The following MAP7 variants were observed in gnomAD, a reference collection of about 807,000 sequenced individuals.
MAP7 encodes microtubule associated protein 7, also known as ensconsin.
Under a neutral mutation model 94.8 loss-of-function variants are expected in MAP7, and 52 were observed. The ratio of observed to expected loss-of-function variants is 0.55; its 90% CI spans 0.44 to 0.69. The LOEUF (loss-of-function observed/expected upper bound fraction) is 0.69. MAP7 is among the 30% of genes least tolerant of loss of function. The pLI, the probability that MAP7 is intolerant of heterozygous loss-of-function variation, is 0.00. For missense variants in MAP7, 940 were observed against 964.6 expected, an observed-to-expected ratio of 0.97 and a Z score of 0.34; for synonymous variants, 350 against 357.0, an observed-to-expected ratio of 0.98 and a Z score of 0.22.
chr6:136,493,121 C>CTTTTTTTT (rs397795796), intron 1 of MAP7, among the ~76,000 whole-genome samples: 19 of 123,326 alleles, frequency 1.5e-4, no homozygotes, highest in East Asian at 1.2e-3. Context: ...TTCTTCTTTC[C>CTTTTTTTT]TTTTTTTTTT....
At chr6:136,492,951 T>C (rs1440354783) in intron 1 of MAP7, among the ~76,000 whole-genome samples, 1 of 152,056 alleles carries the variant, frequency 6.6e-6, no homozygotes, top group Non-Finnish European at 1.5e-5. Flanking sequence ...AATAAATCCT[T>C]TGTCCTAGAA....
At chr6:136,353,919 T>C (rs937951327) in intron 16 of MAP7, among the ~76,000 whole-genome samples, 2 of 151,922 alleles carry the variant, frequency 1.3e-5, no homozygotes, top group African/African-American at 2.4e-5. Context: ...ACTTGGTCAG[T>C]GGGGGTGCCC....
intron 1 of MAP7, among the ~76,000 whole-genome samples, chr6:136,456,764 G>GGAGGAGGAA (rs1803053158): frequency 4.1e-5 from 1 of 24,362 alleles, no homozygotes; most frequent in Non-Finnish European, 7.8e-5. Context: ...AGGAGGAGGA[G>GGAGGAGGAA]GAGGAAGAAG....
rs1191648287 is a variant in MAP7 at position 136,383,021 on chromosome 6, G to A, written c.637+650C>T. On this transcript the variant is annotated intron_variant, in intron 6 of 17. Coordinates refer to ENST00000354570, the MANE Select transcript of MAP7 (RefSeq NM_003980.6). ...ATAAATAACTCAACATTCATGTACT[G>A]TAAATCCATGGGATGAATAAAACTC... Among the ~76,000 whole-genome samples the A allele has an allele frequency of 2.6e-5, 4 of 152,072 alleles. 1 individual carries two copies. Among genetic ancestry groups the A allele is most frequent in the South Asian group, 4.1e-4 (2 of 4,830 alleles).
chr6:136,477,016 A>G (rs1811142765), intron 1 of MAP7, among the ~76,000 whole-genome samples: 1 of 152,238 alleles, frequency 6.6e-6, no homozygotes, highest in South Asian at 2.1e-4. Flanking sequence ...CTGAGGCTAA[A>G]GTTAATGGAT....
chr6:136,400,898 C>G (rs1783877150), intron 3 of MAP7, among the ~76,000 whole-genome samples: 1 of 152,224 alleles, frequency 6.6e-6, no homozygotes, highest in Non-Finnish European at 1.5e-5. Context: ...CTGCTCCAAA[C>G]TGGAACTTTC....
intron 5 of MAP7, among the ~76,000 whole-genome samples, chr6:136,385,501 T>C (rs1430808231): frequency 6.6e-6 from 1 of 152,188 alleles, no homozygotes; most frequent in Non-Finnish European, 1.5e-5. Context: ...GAAAATTGTG[T>C]CCACACGCAG....
chr6:136,381,227 G>A (rs900619418), intron 6 of MAP7, among the ~76,000 whole-genome samples: 1 of 151,954 alleles, frequency 6.6e-6, no homozygotes, highest in African/African-American at 2.4e-5. Flanking sequence ...TGCCCAGGCT[G>A]GAGTACAGTG....
chr6:136,351,397 A>T (rs888076313), intron 16 of MAP7, among the ~76,000 whole-genome samples: 1 of 152,224 alleles, frequency 6.6e-6, no homozygotes. Flanking sequence ...TTTTAGGAGG[A>T]TAAAGATAAT....
At chr6:136,362,319 G>A (rs762856996) in intron 11 of MAP7, 131 bp downstream of exon 11, 8 of 1,208,630 alleles carry the variant, frequency 6.6e-6, no homozygotes, top group South Asian at 1.5e-5. Context: ...AGGAAAATTA[G>A]GTAAGAGTAA....
Position 136,411,603 on chromosome 6 carries a change from C to G in MAP7, c.244+17G>C. ...CATCCATTCAAATCAGGGCCATGGACACGGGGCCTGGGGTACCTAGCTGTT... is the reference window on the plus strand; with the variant it reads ...CATCCATTCAAATCAGGGCCATGGAGACGGGGCCTGGGGTACCTAGCTGTT... On this transcript the variant is annotated intron_variant, in intron 3 of 17. Coordinates refer to ENST00000354570, the MANE Select transcript of MAP7 (RefSeq NM_003980.6). The G allele has an allele frequency of 6.4e-7, 1 of 1,554,230 alleles. No homozygotes were observed. The highest frequency in any genetic ancestry group is 8.7e-7 in the Non-Finnish European group (1 of 1,148,108).
At chr6:136,346,654 G>T (rs1181524388) in intron 16 of MAP7, among the ~76,000 whole-genome samples, 2 of 152,062 alleles carry the variant, frequency 1.3e-5, no homozygotes, top group African/African-American at 4.8e-5. Flanking sequence ...ATCATTAATA[G>T]AAATAAATCA....
Position 136,550,417 on chromosome 6 carries a change from G to T in MAP7, c.-9C>A. On this transcript the variant is annotated 5_prime_UTR_variant, in exon 1 of 18. Coordinates refer to ENST00000354570, the MANE Select transcript of MAP7 (RefSeq NM_003980.6). The surrounding 1 kb of genome is among the most constrained non-coding windows in gnomAD (Gnocchi z 5.1). ...GCTCCTAGCTCCGCCATGGTGCTCC[G>T]ATGACGCGCCCGGAGAGCCGCTCCG... is the stretch of plus-strand genomic sequence containing the variant. 6.6e-7 allele frequency: 1 copy of T among 1,515,802 alleles called. No homozygotes were observed. The highest frequency in any genetic ancestry group is 8.8e-7 in the Non-Finnish European group (1 of 1,138,916). The allele number at this position is 1,515,802 out of a possible 1,614,324, so 93.9% of individuals were successfully genotyped here.
chr6:136,361,576 G>T (rs1275958353), intron 11 of MAP7, among the ~76,000 whole-genome samples: 1 of 152,266 alleles, frequency 6.6e-6, no homozygotes, highest in Non-Finnish European at 1.5e-5. Context: ...TCACAGGACA[G>T]GAGGAAGACA....
intron 1 of MAP7, among the ~76,000 whole-genome samples, chr6:136,440,704 A>T (rs1199344074): frequency 6.6e-6 from 1 of 152,118 alleles, no homozygotes; most frequent in African/African-American, 2.4e-5. Context: ...AGTAAGAATT[A>T]AGATCTAAGA....
rs781211824 is a variant in MAP7 at position 136,421,720 on chromosome 6, G to A, written c.147C>T (p.Asn49=). 7 of 1,613,878 alleles carry A rather than the reference G, an allele frequency of 4.3e-6. No homozygotes were observed. ...TCATACCTGGTTTATTTCCTGAGTG[G>A]TTGTTATTTTGTCCTGAAATTGCAG... ...PASAISGQNN[N]HSGNKPDPPP... Residue 49 remains asparagine, a synonymous_variant, in exon 2 of 18, where the codon AAC becomes AAT. Transcript: ENST00000354570.
chr6:136,516,313 C>T (rs1263092796), intron 1 of MAP7, among the ~76,000 whole-genome samples: 1 of 152,096 alleles, frequency 6.6e-6, no homozygotes, highest in Non-Finnish European at 1.5e-5. Flanking sequence ...AGGTGCACAC[C>T]ACCACACCTG....
intron 1 of MAP7, among the ~76,000 whole-genome samples, chr6:136,535,911 G>A (rs1340705012): frequency 1.4e-5 from 2 of 144,100 alleles, no homozygotes; most frequent in Admixed American, 6.9e-5. Flanking sequence ...CCCACCCCAC[G>A]ACAGGCCCCA....
chr6:136,374,947 G>T (rs577791859), intron 7 of MAP7, among the ~76,000 whole-genome samples: 1 of 151,920 alleles, frequency 6.6e-6, no homozygotes, highest in Non-Finnish European at 1.5e-5. Context: ...TTTTCCCAGA[G>T]TACACTTCAT....
Sources: allele counts gnomAD v4.1 joint callset (sites outside exome capture counted in the v4.1 genomes callset), GRCh38; gene constraint gnomAD v4.1.1; non-coding constraint Gnocchi (gnomAD v3.1); transcripts MANE v1.5; gene names NCBI Gene and HGNC (gene_info 2026-07-23, HGNC 2026-07-21).